The following FAM120AOS variants were observed in gnomAD, a reference collection of about 807,000 sequenced individuals.
FAM120AOS encodes the protein uncharacterized protein FAM120AOS.
FAM120AOS carries 15 observed loss-of-function variants against 20.2 expected under a neutral mutation model. The observed-to-expected ratio is 0.74, with a 90% CI of 0.50 to 1.15. The LOEUF (loss-of-function observed/expected upper bound fraction) is 1.15. Among genes scored for constraint, FAM120AOS ranks in the 50% most tolerant of loss-of-function variants. The pLI is 0.00. For missense variants in FAM120AOS, 327 were observed against 351.9 expected, an observed-to-expected ratio of 0.93 and a Z score of 0.57; for synonymous variants, 154 against 154.0, an observed-to-expected ratio of 1.00 and a Z score of 0.00.
chr9:93,451,467 G>GCGCT, intron 1 of FAM120AOS: 1 of 1,120,272 alleles, frequency 8.9e-7, no homozygotes, highest in Non-Finnish European at 1.1e-6. Context: ...TGGCCTCCAG[G>GCGCT]CGCTGCCTGC....
chr9:93,451,891 C>A, intron 1 of FAM120AOS: 15 of 1,247,392 alleles, frequency 1.2e-5, no homozygotes, highest in Non-Finnish European at 1.5e-5. Context: ...CCGCCCGCAC[C>A]CGCGCCCGCG....
chr9:93,450,551 C>A lies in FAM120AOS; in HGVS notation c.612G>T (p.Gln204His), dbSNP rs752266830. The change falls in exon 2 of 3, where the codon CAG (glutamine) becomes CAT (histidine). Residue 204 changes from glutamine (Q) to histidine (H), a missense_variant. Coordinates refer to ENST00000375412, the MANE Select transcript of FAM120AOS (RefSeq NM_198841.4). ...AGCNRQAVAG[Q>H]LLPSTWSLHA... ...GCAGGCTCCATGTGCTGGGCAGCAG[C>A]TGTCCGGCCACAGCCTGTCGGTTGC... 1 of 1,607,158 alleles carries A rather than the reference C, an allele frequency of 6.2e-7. No individual in the cohort carries two copies.
Position 93,452,021 on chromosome 9 carries a change from C to T in FAM120AOS, c.563+126G>A. On this transcript the variant is annotated intron_variant, in intron 1 of 2. Coordinates refer to ENST00000375412, the MANE Select transcript of FAM120AOS (RefSeq NM_198841.4). The surrounding 1 kb of genome is among the most constrained non-coding windows in gnomAD (Gnocchi z 7.0). ...CCGGGGCAGCCTGGTGGGCGGCGGG[C>T]GGCAGCGGCCCCCGCAGACCCCGCT... 1 of 1,558,880 alleles carries T rather than the reference C, an allele frequency of 6.4e-7. No individual in the cohort carries two copies.
At chr9:93,449,914 G>A (rs1209792580) in intron 2 of FAM120AOS, among the ~76,000 whole-genome samples, 1 of 152,074 alleles carries the variant, frequency 6.6e-6, no homozygotes, top group African/African-American at 2.4e-5. Context: ...AACCTGCCTT[G>A]GGTTATAAAA....
rs958427058 is a variant in FAM120AOS, at chr9:93,452,796, A to G, written c.-87T>C. 9.4e-6 allele frequency: 15 copies of G among 1,590,120 alleles called. No homozygotes were observed. The highest frequency in any genetic ancestry group is 1.2e-5 in the Non-Finnish European group (14 of 1,176,670). The stretch of plus-strand genomic sequence containing the variant: ...ATTTAGCCTGTTCTTTCCCAGCAAC[A>G]GGTTCATCTTGGAAGCAGGCAGGAT... On this transcript the variant is annotated 5_prime_UTR_variant, in exon 1 of 3. Transcript: ENST00000375412. The surrounding 1 kb of genome is among the most constrained non-coding windows in gnomAD (Gnocchi z 7.0).
chr9:93,450,417 G>C (rs557946465), intron 2 of FAM120AOS, 62 bp downstream of exon 2: 1 of 1,514,820 alleles, frequency 6.6e-7, no homozygotes, highest in Non-Finnish European at 8.8e-7. Flanking sequence ...ATTTATGTAC[G>C]TATGATACTG....
At position 93,452,850 on chromosome 9, in the gene FAM120AOS, G is replaced by A. The variant is rs1857333584; in HGVS notation, c.-141C>T. 1.3e-6 allele frequency: 2 copies of A among 1,492,642 alleles called. No homozygotes were observed. The highest frequency in any genetic ancestry group is 1.8e-6 in the Non-Finnish European group (2 of 1,130,290). The allele number at this position is 1,492,642 out of a possible 1,614,324, so 92.5% of individuals were successfully genotyped here. A position where few individuals can be genotyped will look rare whatever the true frequency, so the allele number is the denominator to read the frequency against. The stretch of plus-strand genomic sequence containing the variant: ...GAGTAATAGAGGGGGTTTCGCCAGA[G>A]CCCTTGGGGGCTGCAAATATCAGTG... On this transcript the variant is annotated 5_prime_UTR_variant, in exon 1 of 3. Transcript: ENST00000375412. The surrounding 1 kb of genome is among the most constrained non-coding windows in gnomAD (Gnocchi z 7.0).
In FAM120AOS at chr9:93,446,746, G is replaced by A. The variant is rs1475035805; in HGVS notation, c.*865C>T. On this transcript the variant is annotated 3_prime_UTR_variant, in exon 3 of 3. Transcript: ENST00000375412. ...TAGCACTCATCTGAAGGCCCTCCAT[G>A]AGAACAACTCTTCTCTTCCACATAG... 1.3e-5 allele frequency: 2 copies of A among 152,248 alleles called. No individual in the cohort carries two copies. Among genetic ancestry groups the A allele is most frequent in the East Asian group, 3.9e-4 (2 of 5,176 alleles). The allele number at this position is 152,248 out of a possible 1,614,324, so 9.4% of individuals were successfully genotyped here.
At position 93,452,790 on chromosome 9, in the gene FAM120AOS, A is replaced by G. The variant is rs1000533616; in HGVS notation, c.-81T>C. 6.3e-7 allele frequency: 1 copy of G among 1,592,160 alleles called. No homozygotes were observed. The highest frequency in any genetic ancestry group is 8.5e-7 in the Non-Finnish European group (1 of 1,177,646). On this transcript the variant is annotated 5_prime_UTR_variant, in exon 1 of 3. Coordinates refer to ENST00000375412, the MANE Select transcript of FAM120AOS (RefSeq NM_198841.4). This position sits in a 1 kb window ranked among gnomAD's most constrained non-coding sequence, Gnocchi z 7.0. The stretch of plus-strand genomic sequence containing the variant: ...TTTCTAATTTAGCCTGTTCTTTCCC[A>G]GCAACAGGTTCATCTTGGAAGCAGG...
At chr9:93,450,425 C>G (rs572908467) in intron 2 of FAM120AOS, 54 bp downstream of exon 2, 1 of 1,524,852 alleles carries the variant, frequency 6.6e-7, no homozygotes, top group Non-Finnish European at 8.8e-7. Flanking sequence ...ACGTATGATA[C>G]TGGCTTGCAT....
In FAM120AOS at chr9:93,444,188, G is replaced by C. The variant is rs1345221273; in HGVS notation, c.*3423C>G. 6.6e-6 allele frequency among the ~76,000 whole-genome samples: 1 copy of C among 152,014 alleles called. No individual in the cohort carries two copies. The highest frequency in any genetic ancestry group is 1.5e-5 in the Non-Finnish European group (1 of 67,988). ...CCCGAGTAGCTGGAATTATAGGCAT[G>C]CACCACCACGCCCAGCTAATTTTGT... On this transcript the variant is annotated 3_prime_UTR_variant, in exon 3 of 3. Coordinates refer to ENST00000375412, the MANE Select transcript of FAM120AOS (RefSeq NM_198841.4).
chr9:93,444,742 G>C lies in FAM120AOS; in HGVS notation c.*2869C>G, dbSNP rs941132669. 6.6e-6 allele frequency among the ~76,000 whole-genome samples: 1 copy of C among 151,882 alleles called. No homozygotes were observed. Among genetic ancestry groups the C allele is most frequent in the Non-Finnish European group, 1.5e-5 (1 of 68,000 alleles). On this transcript the variant is annotated 3_prime_UTR_variant, in exon 3 of 3. Transcript: ENST00000375412. The stretch of plus-strand genomic sequence containing the variant: ...GGATTCTTCTGCCTCAGCCTCCCTA[G>C]TAGCTGGGATTACAGGCATGTGCCA...
In FAM120AOS at chr9:93,447,645, G is replaced by T; in HGVS notation, c.737C>A (p.Pro246Gln). 6.2e-7 allele frequency: 1 copy of T among 1,613,890 alleles called. No individual in the cohort carries two copies. The highest frequency in any genetic ancestry group is 1.3e-5 in the African/African-American group (1 of 74,982). ...ACTCAAGAATGATCTTAGTGTTGGT[G>T]GTTTTGTGGTTTTCTTTGAGACTTT... Reference protein sequence around the residue: ...NNKVSKKTTKPPTLRSFLSPI With the variant: ...NNKVSKKTTKQPTLRSFLSPI Residue 246 changes from proline (P) to glutamine (Q), a missense_variant, in exon 3 of 3, where the codon CCA (proline) becomes CAA (glutamine). Pro to Gln is a moderately conservative substitution (Grantham distance 76). This residue lies in a region of FAM120AOS where 86 missense variants were observed against 82.9 expected (regional missense o/e 1.04). Coordinates refer to ENST00000375412, the MANE Select transcript of FAM120AOS (RefSeq NM_198841.4).
intron 1 of FAM120AOS, chr9:93,451,410 G>T: frequency 7.4e-7 from 1 of 1,349,486 alleles, no homozygotes; most frequent in Non-Finnish European, 9.5e-7. Context: ...ACAGGGCGCA[G>T]GGGAGGGGAG....
chr9:93,452,761 C>G lies in FAM120AOS; in HGVS notation c.-52G>C. On this transcript the variant is annotated 5_prime_UTR_variant, in exon 1 of 3. Coordinates refer to ENST00000375412, the MANE Select transcript of FAM120AOS (RefSeq NM_198841.4). The surrounding 1 kb of genome is among the most constrained non-coding windows in gnomAD (Gnocchi z 7.0). ...TCACCTTCAACTTTGACAAAATACTCCCTTTTCTAATTTAGCCTGTTCTTT... is the reference window on the plus strand; with the variant it reads ...TCACCTTCAACTTTGACAAAATACTGCCTTTTCTAATTTAGCCTGTTCTTT... 6.3e-7 allele frequency: 1 copy of G among 1,596,974 alleles called. No individual in the cohort carries two copies. Among genetic ancestry groups the G allele is most frequent in the Non-Finnish European group, 8.5e-7 (1 of 1,179,516 alleles).
intron 1 of FAM120AOS, chr9:93,451,195 G>A (rs1205313742): frequency 9.7e-6 from 15 of 1,540,934 alleles, no homozygotes; most frequent in African/African-American, 4.1e-5. Flanking sequence ...TGGGCAGCAG[G>A]CCCAGAGTGG....
rs746486025 is a variant in FAM120AOS at position 93,447,580 on chromosome 9, C to T, written c.*31G>A. 1.3e-6 allele frequency: 2 copies of T among 1,599,906 alleles called. No homozygotes were observed. The highest frequency in any genetic ancestry group is 3.4e-5 in the Admixed American group (2 of 59,490). On this transcript the variant is annotated 3_prime_UTR_variant, in exon 3 of 3. Transcript: ENST00000375412. ...GTATCAGGGTGGTTTCTTGTCCTTT[C>T]AATGCCTCTGCAGAACTTGACCCTA...
rs1449958702 is a variant in FAM120AOS at position 93,447,640 on chromosome 9, T to C, written c.742A>G (p.Thr248Ala). 6.2e-7 allele frequency: 1 copy of C among 1,614,108 alleles called. No homozygotes were observed. The highest frequency in any genetic ancestry group is 1.7e-5 in the Admixed American group (1 of 60,014). Reference protein sequence around the residue: ...KVSKKTTKPPTLRSFLSPI With the variant: ...KVSKKTTKPPALRSFLSPI ...ATTGGACTCAAGAATGATCTTAGTG[T>C]TGGTGGTTTTGTGGTTTTCTTTGAG... The change falls in exon 3 of 3, where the codon ACA (threonine) becomes GCA (alanine). Residue 248 changes from threonine to alanine, a missense_variant. By Grantham distance (58) the Thr-to-Ala change is moderately conservative. This residue lies in a region of FAM120AOS where 86 missense variants were observed against 82.9 expected (regional missense o/e 1.04). Coordinates refer to ENST00000375412, the MANE Select transcript of FAM120AOS (RefSeq NM_198841.4).
At chr9:93,451,202 G>C (rs1857159492) in intron 1 of FAM120AOS, 2 of 1,538,626 alleles carry the variant, frequency 1.3e-6, no homozygotes, top group African/African-American at 1.4e-5. Flanking sequence ...CAGGCCCAGA[G>C]TGGTGCGAGC....
Sources: allele counts gnomAD v4.1 joint callset (sites outside exome capture counted in the v4.1 genomes callset), GRCh38; gene constraint gnomAD v4.1.1; regional missense constraint gnomAD v4.1.1; non-coding constraint Gnocchi (gnomAD v3.1); transcripts MANE v1.5; gene names NCBI Gene and HGNC (gene_info 2026-07-23, HGNC 2026-07-21).